The following ABCA3 variants were observed in gnomAD, a reference collection of about 807,000 sequenced individuals.
ABCA3 encodes ATP binding cassette subfamily A member 3, also known as phospholipid-transporting ATPase ABCA3.
A neutral mutation model predicts 172.8 loss-of-function variants in ABCA3; 88 were observed. The observed-to-expected ratio is 0.51, with a 90% confidence interval of 0.43 to 0.61. The LOEUF is 0.61. ABCA3 is among the 20% of genes least tolerant of loss of function. The pLI, the probability that ABCA3 is intolerant of heterozygous loss-of-function variation, is 0.00. For missense variants in ABCA3, 2,164 were observed against 2,301.0 expected, an observed-to-expected ratio of 0.94 and a Z score of 1.22; for synonymous variants, 1,066 against 983.8, an observed-to-expected ratio of 1.08 and a Z score of -1.56.
At chr16:2,325,259 T>C (rs144470123) in intron 5 of ABCA3, among the ~76,000 whole-genome samples, 139 of 152,316 alleles carry the variant, frequency 9.1e-4, no homozygotes, top group African/African-American at 3.1e-3. Flanking sequence ...AGAAGGGCTT[T>C]CCCTGGCTCA....
In ABCA3 at chr16:2,319,830, C is replaced by G. The variant is rs779832850; in HGVS notation, c.624G>C (p.Arg208=). 1 of 1,613,764 alleles carries G rather than the reference C, an allele frequency of 6.2e-7. No homozygotes were observed. The highest frequency in any genetic ancestry group is 1.7e-5 in the Admixed American group (1 of 60,002). The change falls in exon 8 of 33, where the codon CGG becomes CGC. Residue 208 remains arginine, a synonymous_variant. Transcript: ENST00000301732. ...CATGCTGCACGGCCAGGAAGCCTTC[C>G]CGGATGTACCCTGGGTGCGGGAGCA... The part of the protein sequence containing the change: ...SPDGGEPGYI[R]EGFLAVQHAV...
At chr16:2,300,674 C>G (rs1330955413) in intron 12 of ABCA3, among the ~76,000 whole-genome samples, 1 of 152,238 alleles carries the variant, frequency 6.6e-6, no homozygotes, top group Non-Finnish European at 1.5e-5. Flanking sequence ...GGTAAGAACA[C>G]AGGCACACAC....
intron 14 of ABCA3, 99 bp downstream of exon 14, chr16:2,299,304 G>T: frequency 6.5e-7 from 1 of 1,540,952 alleles, no homozygotes; most frequent in East Asian, 2.3e-5. Flanking sequence ...GTTGGGGAAG[G>T]CCCGAAAGCC....
chr16:2,288,216 G>A lies in ABCA3; in HGVS notation c.2814C>T (p.Thr938=), dbSNP rs773165974. The A allele has an allele frequency of 6.3e-7, 1 of 1,598,410 alleles. No individual in the cohort carries two copies. The highest frequency in any genetic ancestry group is 1.7e-5 in the Admixed American group (1 of 57,602). The part of the protein sequence containing the change: ...AQVLVPLTCV[T]LALLAINYSS... ...AGTAGTTGATGGCCAGGAGGGCCAGGGTGACGCAGGTCAGAGGCACCAGGA... is the reference window on the plus strand; with the variant it reads ...AGTAGTTGATGGCCAGGAGGGCCAGAGTGACGCAGGTCAGAGGCACCAGGA... The change falls in exon 21 of 33, where the codon ACC becomes ACT. Residue 938 remains threonine, a synonymous_variant. Transcript: ENST00000301732.
chr16:2,317,414 C>T lies in ABCA3; in HGVS notation c.991-11G>A, dbSNP rs369502286. The T allele has an allele frequency of 5.6e-6, 9 of 1,613,444 alleles. No individual in the cohort carries two copies. In the African/African-American group the frequency reaches 8.0e-5, roughly 14 times the overall value. On this transcript the variant is annotated splice_polypyrimidine_tract_variant and intron_variant, in intron 9 of 32. Transcript: ENST00000301732. ...TACATTTGGCTTCACCTGCAGGGCACAGGCATGAGTCGGGCGTGGTGGGCC... is the reference window on the plus strand; with the variant it reads ...TACATTTGGCTTCACCTGCAGGGCATAGGCATGAGTCGGGCGTGGTGGGCC...
Position 2,277,945 on chromosome 16 carries a change from C to T in ABCA3, c.4843G>A (p.Val1615Met), listed in dbSNP as rs755355456. ...GCCTCCTGTTGCCCTTCACTCTGCA[C>T]CTTGGCCCGCAGGGAGTAGCCGCTG... ...FGSGYSLRAK[V>M]QSEGQQEALE... The change falls in exon 31 of 33, where the codon GTG becomes ATG. Residue 1615 changes from valine (V) to methionine (M), a missense_variant. Around this residue, in one of 3 missense-constraint regions of ABCA3, gnomAD observed 795 missense variants for 881.9 expected, o/e 0.90. Coordinates refer to ENST00000301732, the MANE Select transcript of ABCA3 (RefSeq NM_001089.3). This position sits in a 1 kb window ranked among gnomAD's most constrained non-coding sequence, Gnocchi z 5.3. 2.2e-5 allele frequency: 35 copies of T among 1,612,062 alleles called. No individual in the cohort carries two copies. In the Admixed American group the frequency reaches 4.7e-4, roughly 21 times the overall value.
intron 11 of ABCA3, among the ~76,000 whole-genome samples, chr16:2,304,648 A>G (rs2093694731): frequency 6.7e-6 from 1 of 149,032 alleles, no homozygotes; most frequent in African/African-American, 2.5e-5. Flanking sequence ...TTGGGATTAC[A>G]GGCGCATGCT....
intron 8 of ABCA3, among the ~76,000 whole-genome samples, chr16:2,319,183 T>C (rs192893826): frequency 3.0e-4 from 45 of 151,928 alleles, no homozygotes; most frequent in Middle Eastern, 3.4e-3. Context: ...AGACCAGCCT[T>C]GGCAATATAG....
Position 2,317,280 on chromosome 16 carries a change from C to T in ABCA3, c.1111+3G>A, listed in dbSNP as rs766429016. On this transcript the variant is annotated splice_donor_region_variant and intron_variant, in intron 10 of 32. Transcript: ENST00000301732. ...CCCACTCTGCCCCATGACTGGGGCT[C>T]ACCTTTGCTGAAGAAGGTGCTGACC... The T allele has an allele frequency of 6.2e-7, 1 of 1,613,944 alleles. No homozygotes were observed. Among genetic ancestry groups the T allele is most frequent in the African/African-American group, 1.3e-5 (1 of 75,052 alleles).
At position 2,286,595 on chromosome 16, in the gene ABCA3, G is replaced by C. The variant is rs1217933318; in HGVS notation, c.3278+99C>G. The C allele has an allele frequency of 6.7e-7, 1 of 1,496,078 alleles. No individual in the cohort carries two copies. The highest frequency in any genetic ancestry group is 9.1e-7 in the Non-Finnish European group (1 of 1,099,624). 92.7% of individuals were successfully genotyped at this position (1,496,078 alleles called of 1,614,324 possible). On this transcript the variant is annotated intron_variant, in intron 22 of 32. Transcript: ENST00000301732. The surrounding 1 kb of genome is among the most constrained non-coding windows in gnomAD (Gnocchi z 5.2). ...CCACCAGACCCAGGGGCTTTGGGAG[G>C]GCAGACACAATGCTCTATCTATGGG...
Position 2,281,584 on chromosome 16 carries a change from G to T in ABCA3, c.4036-75C>A. ...CTTCCGTGGAGAAGGGAGGGGCGGG[G>T]GTGGATGTGGGAGGTCTGGTGGGAC... On this transcript the variant is annotated intron_variant, in intron 26 of 32. Coordinates refer to ENST00000301732, the MANE Select transcript of ABCA3 (RefSeq NM_001089.3). This position sits in a 1 kb window ranked among gnomAD's most constrained non-coding sequence, Gnocchi z 4.7. 2 of 1,393,966 alleles carry T rather than the reference G, an allele frequency of 1.4e-6. No homozygotes were observed. The highest frequency in any genetic ancestry group is 2.0e-6 in the Non-Finnish European group (2 of 1,001,692). The allele number at this position is 1,393,966 out of a possible 1,614,324, so 86.3% of individuals were successfully genotyped here. A position where few individuals can be genotyped will look rare whatever the true frequency, so the allele number is the denominator to read the frequency against.
intron 12 of ABCA3, among the ~76,000 whole-genome samples, chr16:2,303,666 G>A (rs117206189): frequency 6.6e-6 from 1 of 152,296 alleles, no homozygotes; most frequent in East Asian, 1.9e-4. Context: ...GAGGGAGGTG[G>A]GCAGCAGAGG....
chr16:2,306,300 G>C (rs1331152868), intron 11 of ABCA3, among the ~76,000 whole-genome samples: 2 of 152,060 alleles, frequency 1.3e-5, no homozygotes, highest in Non-Finnish European at 2.9e-5. Context: ...ACTCCAGCCT[G>C]GGCAATGGAG....
chr16:2,282,631 T>C (rs1371314723), intron 26 of ABCA3, among the ~76,000 whole-genome samples: 2 of 150,432 alleles, frequency 1.3e-5, no homozygotes, highest in African/African-American at 2.5e-5. Context: ...GGGCACCACC[T>C]CTGCTCAGCA....
intron 10 of ABCA3, among the ~76,000 whole-genome samples, chr16:2,314,615 T>C (rs369675194): frequency 1.3e-5 from 2 of 152,094 alleles, no homozygotes; most frequent in African/African-American, 4.8e-5. Flanking sequence ...TCACTCTTGT[T>C]GCCCAGGCTG....
At chr16:2,323,287 C>T in intron 7 of ABCA3, 1 of 590,954 alleles carries the variant, frequency 1.7e-6, no homozygotes, top group South Asian at 2.0e-5. Context: ...CCATTTGACC[C>T]AGCCATCCCA....
rs1316393806 is a variant in ABCA3, at chr16:2,276,331, C to T, written c.*343G>A. On this transcript the variant is annotated 3_prime_UTR_variant, in exon 33 of 33. Coordinates refer to ENST00000301732, the MANE Select transcript of ABCA3 (RefSeq NM_001089.3). ...TGGACAAGTCACTGGGTCCTCTCTC[C>T]AGGGAGTGCCTGGAGAAATTCAACC... The T allele has an allele frequency of 6.2e-6, 3 of 486,000 alleles. No homozygotes were observed. The highest frequency in any genetic ancestry group is 4.6e-5 in the Admixed American group (2 of 43,322). The allele number at this position is 486,000 out of a possible 1,614,324, so 30.1% of individuals were successfully genotyped here.
At chr16:2,332,999 G>C (rs913056440) in intron 1 of ABCA3, among the ~76,000 whole-genome samples, 3 of 152,174 alleles carry the variant, frequency 2.0e-5, no homozygotes, top group African/African-American at 7.2e-5. Flanking sequence ...CAGAGATGGA[G>C]TCTTGCTATG....
chr16:2,288,192 G>C lies in ABCA3; in HGVS notation c.2838C>G (p.Tyr946Ter). 6.2e-7 allele frequency: 1 copy of C among 1,604,232 alleles called. No individual in the cohort carries two copies. Among genetic ancestry groups the C allele is most frequent in the Non-Finnish European group, 8.5e-7 (1 of 1,175,316 alleles). The change falls in exon 21 of 33, where the codon TAC becomes TAG. Residue 946 changes from tyrosine (Y) to a stop codon, truncating the protein, a stop_gained. Coordinates refer to ENST00000301732, the MANE Select transcript of ABCA3 (RefSeq NM_001089.3). LOFTEE classifies it high-confidence loss of function. ...TGGGGTCGTCGAAGAGCTCCGAGGA[G>C]TAGTTGATGGCCAGGAGGGCCAGGG... is the stretch of plus-strand genomic sequence containing the variant. ...CVTLALLAINYSSELFDDPML... is the reference protein window; with the variant it reads ...CVTLALLAIN
Sources: gnomAD v4.1 joint callset for allele counts (sites outside exome capture counted in the v4.1 genomes callset) on GRCh38, gnomAD v4.1.1 for gene constraint, gnomAD v4.1.1 regional missense constraint, Gnocchi (gnomAD v3.1) non-coding constraint, MANE v1.5 for transcripts, NCBI Gene and HGNC (gene_info 2026-07-23, HGNC 2026-07-21) for gene names.